MBD2: variants seen among roughly 807,000 people sequenced by gnomAD.
The protein encoded by MBD2 is methyl-CpG-binding domain protein 2.
A neutral mutation model predicts 39.3 loss-of-function variants in MBD2; 9 were observed. The ratio of observed to expected loss-of-function variants is 0.23; its 90% confidence interval spans 0.14 to 0.40. The LOEUF (loss-of-function observed/expected upper bound fraction) is 0.40. Ranked by LOEUF, MBD2 falls within the 10% of genes least tolerant of loss-of-function variation. The pLI is 1.00. For missense variants in MBD2, 458 were observed against 532.6 expected, an observed-to-expected ratio of 0.86 and a Z score of 1.38; for synonymous variants, 233 against 211.1, an observed-to-expected ratio of 1.10 and a Z score of -0.90.
chr18:54,201,459 T>C (rs2086406979), intron 2 of MBD2, among the ~76,000 whole-genome samples: 1 of 152,164 alleles, frequency 6.6e-6, no homozygotes, highest in Non-Finnish European at 1.5e-5. Context: ...GAGTTTGAGA[T>C]ATCTGAAATA....
chr18:54,211,426 A>ACAC (rs2086506609), intron 1 of MBD2, among the ~76,000 whole-genome samples: 1 of 126,038 alleles, frequency 7.9e-6, no homozygotes, highest in Non-Finnish European at 1.7e-5. Flanking sequence ...CACACACGCA[A>ACAC]GCACGCACGA....
At chr18:54,180,256 C>T (rs1392025719) in intron 3 of MBD2, among the ~76,000 whole-genome samples, 13 of 152,112 alleles carry the variant, frequency 8.5e-5, no homozygotes, top group African/African-American at 2.6e-4. Context: ...TTAATTCTCC[C>T]CACAGATTTA....
At chr18:54,222,447 T>C (rs1382400143) in intron 1 of MBD2, 1 of 481,654 alleles carries the variant, frequency 2.1e-6, no homozygotes. Flanking sequence ...AAATATTTAA[T>C]GATGAGGAAA....
rs555154902 is a variant in MBD2 at position 54,179,014 on chromosome 18, T to C, written c.840+9860A>G. Among the ~76,000 whole-genome samples, 16 of 152,280 alleles carry C rather than the reference T, an allele frequency of 1.1e-4. No individual in the cohort carries two copies. The East Asian group carries it at 3.1e-3, about 29-fold the overall frequency. ...GAGCAACATAGTGAGACCCCATCCC[T>C]ACAAAAAGTAACAAAATTTTTAAAA... On this transcript the variant is annotated intron_variant, in intron 3 of 6. Transcript: ENST00000256429.
intron 1 of MBD2, among the ~76,000 whole-genome samples, chr18:54,205,783 T>C (rs919487874): frequency 6.6e-6 from 1 of 151,910 alleles, no homozygotes; most frequent in African/African-American, 2.4e-5. Context: ...TCATGCACAG[T>C]GTAACAGGCA....
intron 5 of MBD2, 98 bp from the exon 6 acceptor site, chr18:54,160,001 T>A: frequency 3.7e-6 from 5 of 1,347,448 alleles, no homozygotes; most frequent in Non-Finnish European, 4.0e-6. Flanking sequence ...ATAATTAAAT[T>A]CCTAAGAAGA....
At chr18:54,207,864 C>T (rs1481299982) in intron 1 of MBD2, among the ~76,000 whole-genome samples, 2 of 151,828 alleles carry the variant, frequency 1.3e-5, no homozygotes, top group Admixed American at 6.6e-5. Context: ...GGTGAAACCC[C>T]GTCTCTACTA....
intron 1 of MBD2, 36 bp downstream of exon 1, chr18:54,223,982 G>GTC: frequency 2.9e-6 from 4 of 1,371,194 alleles, no homozygotes; most frequent in Non-Finnish European, 4.1e-6. Flanking sequence ...ACCCCGGCCT[G>GTC]ACCCCGCCAC....
intron 2 of MBD2, among the ~76,000 whole-genome samples, chr18:54,194,076 C>T (rs1251293131): frequency 6.6e-6 from 1 of 152,024 alleles, no homozygotes; most frequent in Non-Finnish European, 1.5e-5. Context: ...GTATCATAAG[C>T]CAGTGGCTGT....
At chr18:54,208,244 G>A (rs1345672114) in intron 1 of MBD2, among the ~76,000 whole-genome samples, 2 of 152,152 alleles carry the variant, frequency 1.3e-5, no homozygotes, top group Non-Finnish European at 2.9e-5. Flanking sequence ...TGTAATCCCA[G>A]CACTTTGGGA....
At chr18:54,223,321 C>A (rs80242986) in intron 1 of MBD2, among the ~76,000 whole-genome samples, 6 of 152,162 alleles carry the variant, frequency 3.9e-5, no homozygotes, top group African/African-American at 1.4e-4. Context: ...TTTGTTGTGG[C>A]AGCTTTCCTT....
At chr18:54,195,734 G>A (rs115043418) in intron 2 of MBD2, among the ~76,000 whole-genome samples, 1 of 151,828 alleles carries the variant, frequency 6.6e-6, no homozygotes, top group Non-Finnish European at 1.5e-5. Flanking sequence ...AAAAACCAGC[G>A]CTTAGTAAAA....
intron 3 of MBD2, among the ~76,000 whole-genome samples, chr18:54,179,129 G>T (rs1447585898): frequency 6.6e-6 from 1 of 152,184 alleles, no homozygotes; most frequent in Admixed American, 6.5e-5. Context: ...GGGCAAGGCT[G>T]CAGTGAGCTG....
rs540734279 is a variant in MBD2 at position 54,223,123 on chromosome 18, A to G, written c.542+895T>C. On this transcript the variant is annotated intron_variant, in intron 1 of 6. Coordinates refer to ENST00000256429, the MANE Select transcript of MBD2 (RefSeq NM_003927.5). Reference sequence around the variant, plus strand: ...AGCATGGCTTATTACAAAATTTAGTAAATGTGTATTAAGTCCACGGATGTC... The same window carrying G: ...AGCATGGCTTATTACAAAATTTAGTGAATGTGTATTAAGTCCACGGATGTC... 3.0e-4 allele frequency among the ~76,000 whole-genome samples: 46 copies of G among 152,382 alleles called. No homozygotes were observed. The South Asian group carries it at 6.8e-3, about 23-fold the overall frequency.
intron 1 of MBD2, among the ~76,000 whole-genome samples, chr18:54,209,838 C>A (rs961905546): frequency 1.3e-5 from 2 of 152,154 alleles, no homozygotes; most frequent in Non-Finnish European, 2.9e-5. Flanking sequence ...AGACTGTCAC[C>A]TAAGTTCTAG....
chr18:54,185,872 T>C (rs2144307481), intron 3 of MBD2, among the ~76,000 whole-genome samples: 1 of 152,262 alleles, frequency 6.6e-6, no homozygotes, highest in South Asian at 2.1e-4. Context: ...TAATTATAAG[T>C]AGAAATCACT....
chr18:54,203,051 A>G lies in MBD2; in HGVS notation c.702+1947T>C, dbSNP rs1160912842. 8 of 1,395,758 alleles carry G rather than the reference A, an allele frequency of 5.7e-6. No individual in the cohort carries two copies. In the African/African-American group the frequency reaches 1.1e-4, roughly 20 times the overall value. 86.5% of individuals were successfully genotyped at this position (1,395,758 alleles called of 1,614,324 possible). A position where few individuals can be genotyped will look rare whatever the true frequency, so the allele number is the denominator to read the frequency against. ...CAGAGCAAACAGCGTATGAGCAAGC[A>G]GAGTCTTGAAAGCGCATGCCATGGT... is the stretch of plus-strand genomic sequence containing the variant. On this transcript the variant is annotated intron_variant, in intron 2 of 6. Transcript: ENST00000256429.
At chr18:54,173,284 A>G (rs962681611) in intron 3 of MBD2, among the ~76,000 whole-genome samples, 1 of 152,210 alleles carries the variant, frequency 6.6e-6, no homozygotes, top group African/African-American at 2.4e-5. Context: ...TGGGCCCAGA[A>G]CAAATTAAAA....
At chr18:54,223,886 C>G (rs1225508648) in intron 1 of MBD2, 132 bp downstream of exon 1, 1 of 715,844 alleles carries the variant, frequency 1.4e-6, no homozygotes, top group Non-Finnish European at 2.2e-6. Context: ...GTTCCGCCAC[C>G]TTCCACCACC....
Sources: gnomAD v4.1 joint callset for allele counts (sites outside exome capture counted in the v4.1 genomes callset) on GRCh38, gnomAD v4.1.1 for gene constraint, MANE v1.5 for transcripts, NCBI Gene and HGNC (gene_info 2026-07-23, HGNC 2026-07-21) for gene names.